The following SEMA5A variants were observed in gnomAD, a reference collection of about 807,000 sequenced individuals.
SEMA5A encodes semaphorin 5A.
In SEMA5A, 55 loss-of-function variants were observed where a neutral mutation model predicts 135.5. That is an observed-to-expected ratio of 0.41 (90% CI 0.33 to 0.51). SEMA5A has a LOEUF of 0.51. Ranked by LOEUF, SEMA5A falls within the 20% of genes least tolerant of loss-of-function variation. The probability of loss-of-function intolerance (pLI) is 0.37; values close to 1 mark genes in which losing one functional copy is unlikely to be tolerated. For missense variants in SEMA5A, 1,290 were observed against 1,419.9 expected, an observed-to-expected ratio of 0.91 and a Z score of 1.47; for synonymous variants, 580 against 546.5, an observed-to-expected ratio of 1.06 and a Z score of -0.85.
At chr5:9,439,743 A>C (rs1758164937) in intron 1 of SEMA5A, among the ~76,000 whole-genome samples, 1 of 152,230 alleles carries the variant, frequency 6.6e-6, no homozygotes, top group Non-Finnish European at 1.5e-5. Context: ...TCCAGCATGG[A>C]CAGCCCACAG....
At chr5:9,226,502 T>A (rs1221678973) in intron 7 of SEMA5A, among the ~76,000 whole-genome samples, 1 of 152,208 alleles carries the variant, frequency 6.6e-6, no homozygotes, top group East Asian at 1.9e-4. Context: ...TAGACCATTT[T>A]AATAATTTTA....
intron 4 of SEMA5A, among the ~76,000 whole-genome samples, chr5:9,332,885 G>T (rs1753220170): frequency 6.6e-6 from 1 of 152,082 alleles, no homozygotes; most frequent in African/African-American, 2.4e-5. Flanking sequence ...CCAAGTATTG[G>T]GTCTGTGGGC....
chr5:9,145,675 G>A (rs561558055), intron 12 of SEMA5A, among the ~76,000 whole-genome samples: 1 of 132,366 alleles, frequency 7.6e-6, no homozygotes, highest in African/African-American at 2.8e-5. Context: ...TGGAGTCTCT[G>A]TCACCCAGAC....
intron 1 of SEMA5A, among the ~76,000 whole-genome samples, chr5:9,539,766 G>A (rs1475013584): frequency 6.6e-6 from 1 of 152,106 alleles, no homozygotes; most frequent in Non-Finnish European, 1.5e-5. Flanking sequence ...TTTTTGATTA[G>A]GAATATTCAA....
At chr5:9,467,344 C>T (rs1759300818) in intron 1 of SEMA5A, among the ~76,000 whole-genome samples, 1 of 152,016 alleles carries the variant, frequency 6.6e-6, no homozygotes, top group South Asian at 2.1e-4. Flanking sequence ...GAACTGTTGA[C>T]CTCATGATCC....
chr5:9,284,106 T>TAGAGAGAGAGAGAGAGAGAGAGAGAG (rs3034563), intron 5 of SEMA5A, among the ~76,000 whole-genome samples: 4 of 148,482 alleles, frequency 2.7e-5, no homozygotes, highest in African/African-American at 9.9e-5. Flanking sequence ...AGATAGATAT[T>TAGAGAGAGAGAGAGAGAGAGAGAGAG]AGAGAGAGAG....
At chr5:9,530,869 G>A (rs1737397185) in intron 1 of SEMA5A, among the ~76,000 whole-genome samples, 2 of 152,272 alleles carry the variant, frequency 1.3e-5, no homozygotes, top group South Asian at 4.1e-4. Flanking sequence ...ATCGGAGGGA[G>A]AGAGGCGAGA....
rs541352442 is a variant in SEMA5A, at chr5:9,180,074, G to A, written c.1273+10193C>T. Among the ~76,000 whole-genome samples the A allele has an allele frequency of 7.2e-5, 11 of 152,250 alleles. No individual in the cohort carries two copies. In the South Asian group the frequency reaches 2.1e-3, roughly 29 times the overall value. On this transcript the variant is annotated intron_variant, in intron 11 of 22. Transcript: ENST00000382496. ...CATTTGTGCACTCCAATCTCTGCCC[G>A]TGTTATCACATGGCATTCTCCTGGT...
intron 6 of SEMA5A, among the ~76,000 whole-genome samples, chr5:9,231,264 C>T (rs958228271): frequency 3.3e-5 from 5 of 151,922 alleles, no homozygotes; most frequent in African/African-American, 1.2e-4. Flanking sequence ...GTCAGGAGTT[C>T]GAGACCAGCC....
intron 16 of SEMA5A, among the ~76,000 whole-genome samples, chr5:9,086,060 T>A (rs1738666943): frequency 6.6e-6 from 1 of 152,202 alleles, no homozygotes; most frequent in Non-Finnish European, 1.5e-5. Context: ...ATTTCTCCCA[T>A]TTGGAATGGC....
At position 9,453,068 on chromosome 5, in the gene SEMA5A, T is replaced by C. The variant is rs890923670; in HGVS notation, c.-174-15216A>G. ...ATCCTAAGTCTAAACACGTACTTTA[T>C]ACCTGTGGGATTAAAAGTGCAAAAG... On this transcript the variant is annotated intron_variant, in intron 1 of 22. Coordinates refer to ENST00000382496, the MANE Select transcript of SEMA5A (RefSeq NM_003966.3). Among the ~76,000 whole-genome samples the C allele has an allele frequency of 3.9e-5, 6 of 152,338 alleles. No homozygotes were observed. The South Asian group carries it at 1.0e-3, about 26-fold the overall frequency.
At chr5:9,412,844 A>T (rs1376957007) in intron 2 of SEMA5A, among the ~76,000 whole-genome samples, 1 of 152,114 alleles carries the variant, frequency 6.6e-6, no homozygotes, top group Non-Finnish European at 1.5e-5. Context: ...TGGCACTCGA[A>T]AATGTTTTAG....
intron 15 of SEMA5A, 104 bp downstream of exon 15, chr5:9,118,894 C>A: frequency 7.2e-7 from 1 of 1,389,968 alleles, no homozygotes. Context: ...GGATGCCACA[C>A]ATAAGCTTAG....
At chr5:9,398,298 A>C (rs1416353332) in intron 2 of SEMA5A, among the ~76,000 whole-genome samples, 1 of 152,228 alleles carries the variant, frequency 6.6e-6, no homozygotes, top group Non-Finnish European at 1.5e-5. Flanking sequence ...GGTGGCAAGC[A>C]TCCATAACTT....
At chr5:9,480,988 C>A (rs767586149) in intron 1 of SEMA5A, among the ~76,000 whole-genome samples, 57 of 152,078 alleles carry the variant, frequency 3.7e-4, no homozygotes, top group Non-Finnish European at 6.6e-4. Flanking sequence ...TTCTGTTGCC[C>A]AGGTTGGAGT....
intron 10 of SEMA5A, among the ~76,000 whole-genome samples, chr5:9,194,528 A>G (rs1745286422): frequency 6.6e-6 from 1 of 152,224 alleles, no homozygotes; most frequent in African/African-American, 2.4e-5. Context: ...CGTTAGTTCA[A>G]ATTGAATTCC....
intron 4 of SEMA5A, 39 bp downstream of exon 4, chr5:9,337,674 C>T (rs375231327): frequency 1.3e-5 from 18 of 1,423,848 alleles, no homozygotes; most frequent in African/African-American, 2.8e-5. Context: ...AAAATGAAGT[C>T]CAAAAATATC....
At chr5:9,451,360 A>G (rs1758638625) in intron 1 of SEMA5A, among the ~76,000 whole-genome samples, 1 of 152,224 alleles carries the variant, frequency 6.6e-6, no homozygotes, top group Non-Finnish European at 1.5e-5. Flanking sequence ...GGGAGATGAC[A>G]AAACCCATCA....
At chr5:9,333,900 T>C (rs1007617459) in intron 4 of SEMA5A, among the ~76,000 whole-genome samples, 4 of 152,146 alleles carry the variant, frequency 2.6e-5, no homozygotes, top group African/African-American at 9.7e-5. Flanking sequence ...ACAAATATTA[T>C]TAACTTTTAA....
Sources: gnomAD v4.1 joint callset for allele counts (sites outside exome capture counted in the v4.1 genomes callset) on GRCh38, gnomAD v4.1.1 for gene constraint, MANE v1.5 for transcripts, NCBI Gene and HGNC (gene_info 2026-07-23, HGNC 2026-07-21) for gene names.